Variants in EGFL8 observed in about 807,000 individuals in gnomAD.
EGFL8 encodes epidermal growth factor-like protein 8.
A neutral mutation model predicts 39.4 loss-of-function variants in EGFL8; 32 were observed. That is an observed-to-expected ratio of 0.81 (90% confidence interval 0.61 to 1.09). The LOEUF (loss-of-function observed/expected upper bound fraction) is 1.09, where lower values mean the gene tolerates loss of function less well. Among genes scored for constraint, EGFL8 ranks in the 50% least tolerant of loss-of-function variants. EGFL8 has a pLI of 0.00. For missense variants in EGFL8, 385 were observed against 402.2 expected, an observed-to-expected ratio of 0.96 and a Z score of 0.37; for synonymous variants, 177 against 168.5, an observed-to-expected ratio of 1.05 and a Z score of -0.39.
intron 1 of EGFL8, chr6:32,165,822 G>A (rs1784441008): frequency 4.8e-6 from 2 of 419,644 alleles, no homozygotes; most frequent in South Asian, 1.7e-4. Context: ...AAAAAAGACA[G>A]GAGGGTCATA....
rs1205669174 is a variant in EGFL8 at position 32,167,038 on chromosome 6, T to TG, written c.430+34dup. The TG allele has an allele frequency of 1.9e-6, 3 of 1,612,912 alleles. No individual in the cohort carries two copies. On this transcript the variant is annotated intron_variant, in intron 5 of 8. Transcript: ENST00000333845. This position sits in a 1 kb window ranked among gnomAD's most constrained non-coding sequence, Gnocchi z 6.4. ...AGCTTGTCCTCCCCACCTACCCAGG[T>TG]GCTTGCCCCCGCCCCCTCTCTCAGC...
At position 32,166,935 on chromosome 6, in the gene EGFL8, CG is replaced by C; in HGVS notation, c.362del (p.Gly121GlufsTer54). 1 of 1,612,682 alleles carries C rather than the reference CG, an allele frequency of 6.2e-7. No individual in the cohort carries two copies. The highest frequency in any genetic ancestry group is 1.3e-5 in the African/African-American group (1 of 75,062). Reference protein sequence around the residue: ...EAICAKPCLNGGVCVRPDQCE... With the variant: ...EAICAKPCLNXGVCVRPDQCE... ...CCATCTGCGCCAAGCCTTGCCTGAA[CG>C]GAGGCGTCTGCGTTAGGCCTGACCA... On this transcript the variant is annotated frameshift_variant, in exon 5 of 9. Transcript: ENST00000333845. LOFTEE classifies it high-confidence loss of function. This position sits in a 1 kb window ranked among gnomAD's most constrained non-coding sequence, Gnocchi z 7.3.
rs763832118 is a variant in EGFL8, at chr6:32,166,724, G to T, written c.248G>T (p.Arg83Leu). 2 of 1,598,758 alleles carry T rather than the reference G, an allele frequency of 1.3e-6. No individual in the cohort carries two copies. Among genetic ancestry groups the T allele is most frequent in the Non-Finnish European group, 1.7e-6 (2 of 1,170,324 alleles). Residue 83 changes from arginine to leucine, a missense_variant, in exon 4 of 9, where the codon CGG (arginine) becomes CTG (leucine). Physicochemically the swap from Arg to Leu is moderately radical, Grantham distance 102 (BLOSUM62 -2). Coordinates refer to ENST00000333845, the MANE Select transcript of EGFL8 (RefSeq NM_030652.4). The surrounding 1 kb of genome is among the most constrained non-coding windows in gnomAD (Gnocchi z 7.3). Reference sequence around the variant, plus strand: ...AGGACCATGTACCGCGTTATGTGGCGGGAGGTGAGGCGGGAGGTTCAGCAG... The same window carrying T: ...AGGACCATGTACCGCGTTATGTGGCTGGAGGTGAGGCGGGAGGTTCAGCAG... ...TYRTMYRVMW[R>L]EVRREVQQTH...
At position 32,167,381 on chromosome 6, in the gene EGFL8, GA is replaced by G. The variant is rs1784617331; in HGVS notation, c.635del (p.Lys212SerfsTer65). 1 of 1,612,938 alleles carries G rather than the reference GA, an allele frequency of 6.2e-7. No individual in the cohort carries two copies. The highest frequency in any genetic ancestry group is 1.3e-5 in the African/African-American group (1 of 74,960). Reference protein sequence around the residue: ...REAEKDERALKQEIHELRGRL... With the variant: ...REAEKDERALXQEIHELRGRL... The stretch of plus-strand genomic sequence containing the variant: ...AGGCGGAAAAAGATGAGCGCGCTCT[GA>G]AGCAGGAGATTCACGAGCTGCGAGG... On this transcript the variant is annotated frameshift_variant, in exon 7 of 9. Coordinates refer to ENST00000333845, the MANE Select transcript of EGFL8 (RefSeq NM_030652.4). LOFTEE classifies it high-confidence loss of function. The surrounding 1 kb of genome is among the most constrained non-coding windows in gnomAD (Gnocchi z 6.4).
rs775058202 is a variant in EGFL8 at position 32,166,718 on chromosome 6, T to C, written c.242T>C (p.Met81Thr). ...TGTTCCAGGACCATGTACCGCGTTA[T>C]GTGGCGGGAGGTGAGGCGGGAGGTT... ...CSTYRTMYRV[M>T]WREVRREVQQ... The change falls in exon 4 of 9, where the codon ATG becomes ACG. Residue 81 changes from methionine to threonine, a missense_variant. Physicochemically the swap from Met to Thr is moderately conservative, Grantham distance 81 (BLOSUM62 -1). Transcript: ENST00000333845. This position sits in a 1 kb window ranked among gnomAD's most constrained non-coding sequence, Gnocchi z 7.3. The C allele has an allele frequency of 3.1e-6, 5 of 1,602,898 alleles. No homozygotes were observed. The highest frequency in any genetic ancestry group is 4.5e-5 in the East Asian group (2 of 44,702).
chr6:32,167,509 G>T lies in EGFL8; in HGVS notation c.688G>T (p.Gly230Cys), dbSNP rs777808251. ...GGCATCTCTTCCTTTCTAGTGGGCC[G>T]GTCAGGCTGGGGCCTGGGTCAGAGC... Reference protein sequence around the residue: ...GRLERLEQWAGQAGAWVRAVL... With the variant: ...GRLERLEQWACQAGAWVRAVL... Residue 230 changes from glycine (G) to cysteine (C), a missense_variant, in exon 8 of 9, where the codon GGT (glycine) becomes TGT (cysteine). Gly to Cys is a radical substitution (Grantham distance 159). Transcript: ENST00000333845. The surrounding 1 kb of genome is among the most constrained non-coding windows in gnomAD (Gnocchi z 6.4). 4 of 1,607,812 alleles carry T rather than the reference G, an allele frequency of 2.5e-6. No individual in the cohort carries two copies. The highest frequency in any genetic ancestry group is 3.4e-6 in the Non-Finnish European group (4 of 1,179,326).
Position 32,166,944 on chromosome 6 carries a change from C to T in EGFL8, c.369C>T (p.Val123=). The T allele has an allele frequency of 6.2e-7, 1 of 1,612,802 alleles. No homozygotes were observed. Among genetic ancestry groups the T allele is most frequent in the Non-Finnish European group, 8.5e-7 (1 of 1,179,484 alleles). Residue 123 remains valine (V), a synonymous_variant, in exon 5 of 9, where the codon GTC becomes GTT. Coordinates refer to ENST00000333845, the MANE Select transcript of EGFL8 (RefSeq NM_030652.4). This position sits in a 1 kb window ranked among gnomAD's most constrained non-coding sequence, Gnocchi z 7.3. ...ICAKPCLNGG[V]CVRPDQCECA... is the part of the protein sequence containing the mutation. ...CCAAGCCTTGCCTGAACGGAGGCGT[C>T]TGCGTTAGGCCTGACCAGTGCGAGT...
At chr6:32,165,555 A>C (rs1239045109) in intron 1 of EGFL8, 4 of 147,576 alleles carry the variant, frequency 2.7e-5, no homozygotes, top group South Asian at 4.4e-4. Context: ...CCGTCTCAAA[A>C]AACAACAACA....
In EGFL8 at chr6:32,166,248, G is replaced by A. The variant is rs1424666429; in HGVS notation, c.83G>A (p.Gly28Asp). The A allele has an allele frequency of 1.9e-6, 3 of 1,614,084 alleles. No individual in the cohort carries two copies. The change falls in exon 2 of 9, where the codon GGT (glycine) becomes GAT (aspartate). Residue 28 changes from glycine to aspartate, a missense_variant. By Grantham distance (94) the Gly-to-Asp change is moderately conservative (BLOSUM62 -1). Coordinates refer to ENST00000333845, the MANE Select transcript of EGFL8 (RefSeq NM_030652.4). The surrounding 1 kb of genome is among the most constrained non-coding windows in gnomAD (Gnocchi z 7.3). ...CTGATACCAGGCGAGGGGGCCAAGG[G>A]TGGATCCCTCAGAGAGAGGTGACAA... The part of the protein sequence containing the change: ...LLLIPGEGAK[G>D]GSLRESQGVC...
chr6:32,166,622 T>G lies in EGFL8; in HGVS notation c.224+2T>G. 6.2e-7 allele frequency: 1 copy of G among 1,613,998 alleles called. No individual in the cohort carries two copies. Among genetic ancestry groups the G allele is most frequent in the Non-Finnish European group, 8.5e-7 (1 of 1,179,960 alleles). Reference sequence around the variant, plus strand: ...GAGGCGCATCTGCAGCACTTACAGGTGAGGGATGGGGAGATGGGACCCCAA... The same window carrying G: ...GAGGCGCATCTGCAGCACTTACAGGGGAGGGATGGGGAGATGGGACCCCAA... On this transcript the variant is annotated splice_donor_variant, in intron 3 of 8. Transcript: ENST00000333845. LOFTEE classifies it high-confidence loss of function. This position sits in a 1 kb window ranked among gnomAD's most constrained non-coding sequence, Gnocchi z 7.3.
chr6:32,168,048 C>T lies in EGFL8; in HGVS notation c.*92C>T, dbSNP rs1784705687. ...GGCCGACTGTGAGCTGCAGATAAGGCTATCAGCCACCAAAGAGCAATGAAC... is the reference window on the plus strand; with the variant it reads ...GGCCGACTGTGAGCTGCAGATAAGGTTATCAGCCACCAAAGAGCAATGAAC... On this transcript the variant is annotated 3_prime_UTR_variant, in exon 9 of 9. Coordinates refer to ENST00000333845, the MANE Select transcript of EGFL8 (RefSeq NM_030652.4). The surrounding 1 kb of genome is among the most constrained non-coding windows in gnomAD (Gnocchi z 4.5). The T allele has an allele frequency of 7.8e-7, 1 of 1,274,016 alleles. No individual in the cohort carries two copies. Among genetic ancestry groups the T allele is most frequent in the South Asian group, 1.2e-5 (1 of 83,344 alleles). 78.9% of individuals were successfully genotyped at this position (1,274,016 alleles called of 1,614,324 possible). A position where few individuals can be genotyped will look rare whatever the true frequency, so the allele number is the denominator to read the frequency against.
intron 1 of EGFL8, chr6:32,165,570 A>G (rs1370983474): frequency 7.1e-6 from 1 of 140,512 alleles, no homozygotes; most frequent in South Asian, 2.4e-4. Context: ...ACAACAAAAA[A>G]AAAACCAAAA....
rs909027855 is a variant in EGFL8 at position 32,167,903 on chromosome 6, T to C, written c.836-7T>C. ...ACAGCCACTGTGTCTGCCATGTCAT[T>C]AACCAGGCTCCTGTGAGGACAACAG... On this transcript the variant is annotated splice_polypyrimidine_tract_variant and splice_region_variant and intron_variant, in intron 8 of 8. Transcript: ENST00000333845. The surrounding 1 kb of genome is among the most constrained non-coding windows in gnomAD (Gnocchi z 6.4). The C allele has an allele frequency of 6.2e-7, 1 of 1,614,046 alleles. No individual in the cohort carries two copies. The highest frequency in any genetic ancestry group is 1.3e-5 in the African/African-American group (1 of 74,920).
chr6:32,167,637 G>A lies in EGFL8; in HGVS notation c.816G>A (p.Leu272=). 6.2e-7 allele frequency: 1 copy of A among 1,609,434 alleles called. No homozygotes were observed. The stretch of plus-strand genomic sequence containing the variant: ...CTCTCAGCGACCAGGTGCTGCTGCT[G>A]GAGGAGAGGCTAGGTGCCTGTGAGT... ...IESLSDQVLL[L]EERLGACSCE... The change falls in exon 8 of 9, where the codon CTG becomes CTA. Residue 272 remains leucine (L), a synonymous_variant. Coordinates refer to ENST00000333845, the MANE Select transcript of EGFL8 (RefSeq NM_030652.4). The surrounding 1 kb of genome is among the most constrained non-coding windows in gnomAD (Gnocchi z 6.4).
In EGFL8 at chr6:32,167,657, G is replaced by C; in HGVS notation, c.835+1G>C. 6.2e-7 allele frequency: 1 copy of C among 1,603,242 alleles called. No individual in the cohort carries two copies. The highest frequency in any genetic ancestry group is 8.5e-7 in the Non-Finnish European group (1 of 1,175,664). On this transcript the variant is annotated splice_donor_variant, in intron 8 of 8. Transcript: ENST00000333845. LOFTEE classifies it high-confidence loss of function. The surrounding 1 kb of genome is among the most constrained non-coding windows in gnomAD (Gnocchi z 6.4). ...CTGCTGGAGGAGAGGCTAGGTGCCT[G>C]TGAGTCCTCACACTCCTCCCGCCTT...
At position 32,167,634 on chromosome 6, in the gene EGFL8, G is replaced by T. The variant is rs1472901600; in HGVS notation, c.813G>T (p.Leu271=). The T allele has an allele frequency of 6.2e-7, 1 of 1,609,796 alleles. No homozygotes were observed. Among genetic ancestry groups the T allele is most frequent in the Non-Finnish European group, 8.5e-7 (1 of 1,179,282 alleles). The change falls in exon 8 of 9, where the codon CTG becomes CTT. Residue 271 remains leucine (L), a synonymous_variant. Transcript: ENST00000333845. The surrounding 1 kb of genome is among the most constrained non-coding windows in gnomAD (Gnocchi z 6.4). ...RIESLSDQVL[L]LEERLGACSC... is the part of the protein sequence containing the mutation. ...AATCTCTCAGCGACCAGGTGCTGCT[G>T]CTGGAGGAGAGGCTAGGTGCCTGTG...
Position 32,166,715 on chromosome 6 carries a change from TTA to T in EGFL8, c.241_242del (p.Met81ValfsTer30), listed in dbSNP as rs1249516044. ...CTGTGTTCCAGGACCATGTACCGCGTTATGTGGCGGGAGGTGAGGCGGGAGGT... is the reference window on the plus strand; with the variant it reads ...CTGTGTTCCAGGACCATGTACCGCGTTGTGGCGGGAGGTGAGGCGGGAGGT... On this transcript the variant is annotated frameshift_variant, in exon 4 of 9. Coordinates refer to ENST00000333845, the MANE Select transcript of EGFL8 (RefSeq NM_030652.4). LOFTEE classifies it high-confidence loss of function. This position sits in a 1 kb window ranked among gnomAD's most constrained non-coding sequence, Gnocchi z 7.3. The T allele has an allele frequency of 1.8e-5, 29 of 1,603,770 alleles. No homozygotes were observed. The highest frequency in any genetic ancestry group is 2.4e-5 in the Non-Finnish European group (28 of 1,173,168).
rs757524556 is a variant in EGFL8 at position 32,166,982 on chromosome 6, G to C, written c.407G>C (p.Trp136Ser). 9 of 1,613,046 alleles carry C rather than the reference G, an allele frequency of 5.6e-6. No homozygotes were observed. Among genetic ancestry groups the C allele is most frequent in the Non-Finnish European group, 5.1e-6 (6 of 1,179,966 alleles). Reference protein sequence around the residue: ...RPDQCECAPGWGGKHCHVDVD... With the variant: ...RPDQCECAPGSGGKHCHVDVD... Reference sequence around the variant, plus strand: ...GACCAGTGCGAGTGCGCCCCCGGCTGGGGAGGGAAGCACTGTCATGTGGGT... The same window carrying C: ...GACCAGTGCGAGTGCGCCCCCGGCTCGGGAGGGAAGCACTGTCATGTGGGT... The change falls in exon 5 of 9, where the codon TGG (tryptophan) becomes TCG (serine). Residue 136 changes from tryptophan to serine, a missense_variant. Transcript: ENST00000333845. The surrounding 1 kb of genome is among the most constrained non-coding windows in gnomAD (Gnocchi z 7.3).
chr6:32,165,696 A>C (rs1337853033), intron 1 of EGFL8: 1 of 188,202 alleles, frequency 5.3e-6, no homozygotes, highest in Non-Finnish European at 1.1e-5. Flanking sequence ...AGGCAGGAGA[A>C]TCACTTGAAC....
Sources: allele counts gnomAD v4.1 joint callset, GRCh38; gene constraint gnomAD v4.1.1; non-coding constraint Gnocchi (gnomAD v3.1); transcripts MANE v1.5; gene names NCBI Gene and HGNC (gene_info 2026-07-23, HGNC 2026-07-21).